The following LRRC69 variants were observed in gnomAD, a reference collection of about 807,000 sequenced individuals.
LRRC69 encodes leucine rich repeat containing 69.
Under a neutral mutation model 37.8 loss-of-function variants are expected in LRRC69, and 42 were observed. That is an observed-to-expected ratio of 1.11 (90% CI 0.87 to 1.44). The LOEUF (loss-of-function observed/expected upper bound fraction) is 1.44, where lower values mean the gene tolerates loss of function less well. Among genes scored for constraint, LRRC69 ranks in the 40% most tolerant of loss-of-function variants. The probability of loss-of-function intolerance (pLI) is 0.00; values close to 1 mark genes in which losing one functional copy is unlikely to be tolerated. For missense variants in LRRC69, 357 were observed against 401.9 expected (o/e 0.89, Z 0.96); for synonymous variants, 141 against 143.1 (o/e 0.99, Z 0.11).
intron 1 of LRRC69, among the ~76,000 whole-genome samples, chr8:91,107,281 C>T (rs1180494807): frequency 6.6e-6 from 1 of 151,536 alleles, no homozygotes; most frequent in Non-Finnish European, 1.5e-5. Context: ...ATTACAGGCA[C>T]CTGCCACCAT....
At position 91,209,524 on chromosome 8, in the gene LRRC69, A is replaced by G. The variant is rs193285924; in HGVS notation, c.933+8732A>G. 49 of 152,334 alleles carry G rather than the reference A, an allele frequency of 3.2e-4. No homozygotes were observed. In the South Asian group the frequency reaches 3.3e-3, roughly 10 times the overall value. 9.4% of individuals were successfully genotyped at this position (152,334 alleles called of 1,614,324 possible). ...GCCAGCAAGTCTTGACTAATCTCCA[A>G]GCAATGTAGCTGTAAAAGGTAGGAG... On this transcript the variant is annotated intron_variant, in intron 7 of 7. Transcript: ENST00000448384.
At chr8:91,113,307 T>A (rs1813441176) in intron 1 of LRRC69, among the ~76,000 whole-genome samples, 1 of 151,992 alleles carries the variant, frequency 6.6e-6, no homozygotes, top group South Asian at 2.1e-4. Flanking sequence ...ACCTCCTGAT[T>A]TCAAAATATA....
chr8:91,208,492 G>A (rs1809846295), intron 7 of LRRC69, among the ~76,000 whole-genome samples: 1 of 152,110 alleles, frequency 6.6e-6, no homozygotes, highest in Non-Finnish European at 1.5e-5. Flanking sequence ...AGGGAGAGTG[G>A]CACAAATTCT....
intron 1 of LRRC69, among the ~76,000 whole-genome samples, chr8:91,115,299 A>G (rs898122071): frequency 2.6e-5 from 4 of 151,968 alleles, no homozygotes; most frequent in Non-Finnish European, 5.9e-5. Context: ...TTTGCAGGCC[A>G]TCTATTTTAT....
chr8:91,129,452 T>C (rs1813770798), intron 3 of LRRC69, among the ~76,000 whole-genome samples: 1 of 151,946 alleles, frequency 6.6e-6, no homozygotes, highest in African/African-American at 2.4e-5. Flanking sequence ...AAATGAATGA[T>C]GGACAAATGA....
chr8:91,176,134 A>ATATATATATTTTTTTTTTTTT lies in LRRC69; in HGVS notation c.652-13387_652-13386insATATATATTTTTTTTTTTTTT. Among the ~76,000 whole-genome samples the ATATATATATTTTTTTTTTTTT allele has an allele frequency of 2.6e-4, 20 of 75,700 alleles. 2 individuals carry two copies. The highest frequency in any genetic ancestry group is 1.2e-3 in the African/African-American group (20 of 16,430). The allele number at this position is 75,700 out of a possible 152,430, so 49.7% of individuals were successfully genotyped here. ...ATCCCTCATATATATATATATATAT[A>ATATATATATTTTTTTTTTTTT]TTTTTTTTTTTTCTTTTTTTTGAGA... On this transcript the variant is annotated intron_variant, in intron 5 of 7. Transcript: ENST00000448384.
chr8:91,104,454 T>C (rs1813272659), intron 1 of LRRC69, among the ~76,000 whole-genome samples: 1 of 152,028 alleles, frequency 6.6e-6, no homozygotes, highest in East Asian at 1.9e-4. Flanking sequence ...TAATCTATGA[T>C]TATATTTTCT....
exon 4 of LRRC69, chr8:91,133,224 A>ATGC (rs1563599259): frequency 1.9e-6 from 3 of 1,541,790 alleles, no homozygotes; most frequent in Non-Finnish European, 2.6e-6. Flanking sequence ...ATCAGCTGAT[A>ATGC]TGCATACCTG....
chr8:91,200,869 T>G, intron 7 of LRRC69, 77 bp downstream of exon 7: 3 of 1,311,250 alleles, frequency 2.3e-6, no homozygotes, highest in Non-Finnish European at 3.1e-6. Flanking sequence ...CAGTTAATAC[T>G]AACTAGATTT....
chr8:91,123,612 GT>G (rs1483843559), intron 1 of LRRC69, among the ~76,000 whole-genome samples: 3 of 151,838 alleles, frequency 2.0e-5, no homozygotes, highest in African/African-American at 7.2e-5. Flanking sequence ...AAATTCATTA[GT>G]TTGTTAAAAC....
chr8:91,189,021 T>C (rs1329566760), intron 5 of LRRC69, among the ~76,000 whole-genome samples: 1 of 152,134 alleles, frequency 6.6e-6, no homozygotes, highest in Admixed American at 6.6e-5. Flanking sequence ...ATTTTCTTGG[T>C]CCCTAATAAG....
intron 7 of LRRC69, among the ~76,000 whole-genome samples, chr8:91,206,134 A>G (rs1809800545): frequency 1.3e-5 from 2 of 152,228 alleles, no homozygotes. Flanking sequence ...TTTTATTTCT[A>G]CAGAATGATA....
Position 91,142,409 on chromosome 8 carries a change from C to A in LRRC69, c.651+6670C>A, listed in dbSNP as rs754011175. Among the ~76,000 whole-genome samples the A allele has an allele frequency of 4.3e-4, 65 of 152,052 alleles. 1 individual carries two copies. The highest frequency in any genetic ancestry group is 8.4e-4 in the Non-Finnish European group (57 of 68,034). On this transcript the variant is annotated intron_variant, in intron 5 of 7. Transcript: ENST00000448384. The stretch of plus-strand genomic sequence containing the variant: ...TTCTGGATGAATACTTTGCTGTTAT[C>A]TAAAAATTTGCAAGTTATCAAATCT...
chr8:91,150,496 A>C (rs1808713187), intron 5 of LRRC69, among the ~76,000 whole-genome samples: 2 of 151,930 alleles, frequency 1.3e-5, no homozygotes, highest in South Asian at 4.1e-4. Flanking sequence ...CCAGTATTTT[A>C]TTGAGGATTT....
chr8:91,215,859 T>C (rs1001402495), intron 7 of LRRC69, among the ~76,000 whole-genome samples: 2 of 152,146 alleles, frequency 1.3e-5, no homozygotes, highest in Non-Finnish European at 2.9e-5. Context: ...TGTAACATGC[T>C]CATTTCAAAT....
At chr8:91,187,365 G>A (rs1328631710) in intron 5 of LRRC69, among the ~76,000 whole-genome samples, 2 of 152,166 alleles carry the variant, frequency 1.3e-5, no homozygotes, top group Non-Finnish European at 2.9e-5. Flanking sequence ...ATCAGAGTTG[G>A]TCTTGTTATT....
At chr8:91,127,227 T>C (rs891912023) in intron 3 of LRRC69, 67 bp downstream of exon 3, 2 of 1,188,218 alleles carry the variant, frequency 1.7e-6, no homozygotes, top group African/African-American at 3.1e-5. Flanking sequence ...CCTGGTCATT[T>C]GAAAGCATTA....
At chr8:91,151,729 C>T (rs1343227351) in intron 5 of LRRC69, among the ~76,000 whole-genome samples, 1 of 151,652 alleles carries the variant, frequency 6.6e-6, no homozygotes, top group Non-Finnish European at 1.5e-5. Flanking sequence ...CACTGTCTTC[C>T]ACAGTGGTTG....
chr8:91,196,834 T>G (rs1809611003), intron 6 of LRRC69, among the ~76,000 whole-genome samples: 1 of 152,224 alleles, frequency 6.6e-6, no homozygotes, highest in Non-Finnish European at 1.5e-5. Flanking sequence ...TGAAGCCTTC[T>G]CTCAGCTTGT....
Sources: gnomAD v4.1 joint callset for allele counts (sites outside exome capture counted in the v4.1 genomes callset) on GRCh38, gnomAD v4.1.1 for gene constraint, MANE v1.5 for transcripts, NCBI Gene and HGNC (gene_info 2026-07-23, HGNC 2026-07-21) for gene names.